Variants in FAM53B observed in about 807,000 individuals in gnomAD.
The protein encoded by FAM53B is family with sequence similarity 53 member B.
In FAM53B, 12 loss-of-function variants were observed where a neutral mutation model predicts 32.7. The ratio of observed to expected loss-of-function variants is 0.37; its 90% CI spans 0.24 to 0.59. FAM53B has a LOEUF of 0.59. Among genes scored for constraint, FAM53B ranks in the 20% least tolerant of loss-of-function variants. The pLI is 0.72. For synonymous variants in FAM53B, 234 were observed against 228.7 expected, an observed-to-expected ratio of 1.02 and a Z score of -0.21; for missense variants, 477 against 577.7, an observed-to-expected ratio of 0.83 and a Z score of 1.79.
rs920213234 is a variant in FAM53B at position 124,624,109 on chromosome 10, C to G, written c.907-505G>C. 5.2e-5 allele frequency: 8 copies of G among 154,654 alleles called. 1 individual carries two copies. Among genetic ancestry groups the G allele is most frequent in the African/African-American group, 1.9e-4 (8 of 41,470 alleles). The allele number at this position is 154,654 out of a possible 1,614,324, so 9.6% of individuals were successfully genotyped here. Reference sequence around the variant, plus strand: ...GGTGGTGAAATCAATGTTTTTCAAGCAGGGACCTCTATGCAAACATAACTG... The same window carrying G: ...GGTGGTGAAATCAATGTTTTTCAAGGAGGGACCTCTATGCAAACATAACTG... On this transcript the variant is annotated intron_variant, in intron 4 of 4. Transcript: ENST00000337318.
rs1949299388 is a variant in FAM53B at position 124,620,354 on chromosome 10, A to AC, written c.*2887_*2888insG. The AC allele has an allele frequency of 8.1e-6, 1 of 123,104 alleles. No individual in the cohort carries two copies. Among genetic ancestry groups the AC allele is most frequent in the Non-Finnish European group, 1.7e-5 (1 of 59,016 alleles). 7.6% of individuals were successfully genotyped at this position (123,104 alleles called of 1,614,324 possible). ...AATGAGTGGGGTGCATGTGGCACTAAGCCCCCCCCACCGCCCCGGCTTTCC... is the reference window on the plus strand; with the variant it reads ...AATGAGTGGGGTGCATGTGGCACTAACGCCCCCCCCACCGCCCCGGCTTTCC... On this transcript the variant is annotated 3_prime_UTR_variant, in exon 5 of 5. Coordinates refer to ENST00000337318, the MANE Select transcript of FAM53B (RefSeq NM_014661.4).
At chr10:124,658,103 C>G (rs905125076) in intron 4 of FAM53B, among the ~76,000 whole-genome samples, 1 of 152,184 alleles carries the variant, frequency 6.6e-6, no homozygotes, top group Non-Finnish European at 1.5e-5. Flanking sequence ...GTCAAAGAAC[C>G]AGGTCAGTTC....
chr10:124,715,546 T>C (rs889785502), intron 1 of FAM53B, among the ~76,000 whole-genome samples: 5 of 152,200 alleles, frequency 3.3e-5, no homozygotes, highest in Non-Finnish European at 5.9e-5. Context: ...CATTTCCAGG[T>C]TGTTTGTGGG....
At chr10:124,711,318 C>G (rs1007010769) in intron 1 of FAM53B, among the ~76,000 whole-genome samples, 1 of 151,934 alleles carries the variant, frequency 6.6e-6, no homozygotes, top group South Asian at 2.1e-4. Context: ...GGGGATGGGG[C>G]GTGGGAGCAG....
chr10:124,643,972 GT>G (rs1373952860), intron 4 of FAM53B, among the ~76,000 whole-genome samples: 30 of 152,332 alleles, frequency 2.0e-4, no homozygotes, highest in South Asian at 8.3e-4. Flanking sequence ...ACATTCTAGT[GT>G]TTCCTGCTCA....
chr10:124,732,635 C>T (rs1589767747), intron 1 of FAM53B, among the ~76,000 whole-genome samples: 1 of 152,232 alleles, frequency 6.6e-6, no homozygotes, highest in Admixed American at 6.5e-5. Flanking sequence ...CAGGCGGGGG[C>T]ATCACCTGAG....
chr10:124,633,348 A>C (rs565795542), intron 4 of FAM53B, among the ~76,000 whole-genome samples: 1 of 152,288 alleles, frequency 6.6e-6, no homozygotes, highest in African/African-American at 2.4e-5. Context: ...AAAGGTGTAA[A>C]TTCTCCCTAA....
intron 4 of FAM53B, among the ~76,000 whole-genome samples, chr10:124,625,539 G>A (rs888282122): frequency 6.6e-6 from 1 of 152,204 alleles, no homozygotes; most frequent in Non-Finnish European, 1.5e-5. Context: ...GTTCCTCACC[G>A]GCTCCTGGCC....
chr10:124,676,265 C>T (rs1949735798), intron 4 of FAM53B, among the ~76,000 whole-genome samples: 1 of 152,254 alleles, frequency 6.6e-6, no homozygotes, highest in Non-Finnish European at 1.5e-5. Flanking sequence ...CTCACTAGAT[C>T]TTCACACTGT....
chr10:124,694,966 A>G (rs954764121), intron 3 of FAM53B, among the ~76,000 whole-genome samples: 1 of 152,212 alleles, frequency 6.6e-6, no homozygotes, highest in Admixed American at 6.5e-5. Context: ...GGGCCACCTC[A>G]CTAGACCTCA....
At chr10:124,642,513 C>T (rs528247142) in intron 4 of FAM53B, among the ~76,000 whole-genome samples, 4 of 152,374 alleles carry the variant, frequency 2.6e-5, no homozygotes, top group East Asian at 1.9e-4. Context: ...GGTGGCCCAA[C>T]AGGCAGATGG....
intron 1 of FAM53B, among the ~76,000 whole-genome samples, chr10:124,735,536 C>T (rs775672266): frequency 6.6e-6 from 1 of 152,188 alleles, no homozygotes; most frequent in East Asian, 1.9e-4. Context: ...AGGCTCTATC[C>T]GCCCCAGCCT....
intron 4 of FAM53B, 40 bp from the exon 5 acceptor site, chr10:124,623,644 C>G (rs1297168704): frequency 6.4e-7 from 1 of 1,574,196 alleles, no homozygotes; most frequent in South Asian, 1.2e-5. Flanking sequence ...AGGGTTACTC[C>G]CCTCCCGCAG....
chr10:124,689,302 G>A (rs1949820058), intron 3 of FAM53B, among the ~76,000 whole-genome samples: 1 of 152,164 alleles, frequency 6.6e-6, no homozygotes, highest in Non-Finnish European at 1.5e-5. Flanking sequence ...AATGACATGA[G>A]CTCCCCCACA....
At chr10:124,657,220 G>T (rs995061018) in intron 4 of FAM53B, among the ~76,000 whole-genome samples, 10 of 148,386 alleles carry the variant, frequency 6.7e-5, no homozygotes, top group African/African-American at 2.5e-4. Context: ...CAGATTAAAA[G>T]AAAGGAAAAA....
intron 4 of FAM53B, among the ~76,000 whole-genome samples, chr10:124,656,708 G>A (rs906261029): frequency 2.0e-5 from 3 of 152,136 alleles, no homozygotes; most frequent in African/African-American, 7.2e-5. Context: ...TGTGTTCTGT[G>A]GTGTTAAAGA....
intron 4 of FAM53B, among the ~76,000 whole-genome samples, chr10:124,663,126 C>T (rs766872393): frequency 1.3e-5 from 2 of 152,232 alleles, no homozygotes; most frequent in Non-Finnish European, 2.9e-5. Context: ...CAGAAGACCA[C>T]AAGGCAGGCT....
At chr10:124,695,150 C>T (rs1949860808) in intron 3 of FAM53B, among the ~76,000 whole-genome samples, 1 of 152,196 alleles carries the variant, frequency 6.6e-6, no homozygotes, top group South Asian at 2.1e-4. Context: ...AAGGGAGACT[C>T]TGAGGTCTGA....
chr10:124,631,919 A>T (rs1949393642), intron 4 of FAM53B, among the ~76,000 whole-genome samples: 1 of 152,000 alleles, frequency 6.6e-6, no homozygotes, highest in Non-Finnish European at 1.5e-5. Flanking sequence ...GGGAACCCTG[A>T]CCCCACATGC....
Sources: allele counts gnomAD v4.1 joint callset (sites outside exome capture counted in the v4.1 genomes callset), GRCh38; gene constraint gnomAD v4.1.1; transcripts MANE v1.5; gene names NCBI Gene and HGNC (gene_info 2026-07-23, HGNC 2026-07-21).